The following ARB2A variants were observed in gnomAD, a reference collection of about 807,000 sequenced individuals.
ARB2A encodes the protein ARB2 cotranscriptional regulator A.
the ARB2A span, among the ~76,000 whole-genome samples, chr5:93,855,841 T>C: frequency 4.0e-5 from 6 of 151,252 alleles, no homozygotes; most frequent in African/African-American, 1.5e-4. Context: ...AGACCAAAAG[T>C]AGATAAAACC....
At chr5:93,629,017 G>A in the ARB2A span, among the ~76,000 whole-genome samples, 2 of 152,138 alleles carry the variant, frequency 1.3e-5, no homozygotes, top group Non-Finnish European at 2.9e-5. Context: ...CTTTTGACAC[G>A]CCTTCCTCAC....
At chr5:93,803,707 A>T in the ARB2A span, among the ~76,000 whole-genome samples, 4 of 66,706 alleles carry the variant, frequency 6.0e-5, no homozygotes, top group Non-Finnish European at 8.4e-5. Context: ...TCCTGAACTT[A>T]AAAGTTAAAA....
chr5:93,938,434 T>C, the ARB2A span, among the ~76,000 whole-genome samples: 1 of 152,208 alleles, frequency 6.6e-6, no homozygotes, highest in Non-Finnish European at 1.5e-5. Context: ...GTATTGACTA[T>C]CTCAAAATAC....
the ARB2A span, among the ~76,000 whole-genome samples, chr5:93,919,800 T>C: frequency 5.3e-5 from 8 of 152,264 alleles, no homozygotes; most frequent in South Asian, 1.0e-3. Flanking sequence ...TAAAAACTCA[T>C]GTCTCTTTCA....
the ARB2A span, among the ~76,000 whole-genome samples, chr5:93,874,094 T>C: frequency 6.6e-6 from 1 of 152,228 alleles, no homozygotes; most frequent in African/African-American, 2.4e-5. Flanking sequence ...TGTTTCCTTT[T>C]GTCTGATTCC....
At chr5:93,711,185 C>G in the ARB2A span, among the ~76,000 whole-genome samples, 1 of 150,468 alleles carries the variant, frequency 6.6e-6, no homozygotes, top group African/African-American at 2.4e-5. Flanking sequence ...TTTGATCCAA[C>G]TGGTTCTATT....
the ARB2A span, among the ~76,000 whole-genome samples, chr5:93,806,685 A>G: frequency 6.6e-6 from 1 of 151,974 alleles, no homozygotes; most frequent in African/African-American, 2.4e-5. Context: ...TCCAAAGTAA[A>G]CAAAAGAAAT....
the ARB2A span, among the ~76,000 whole-genome samples, chr5:93,690,067 G>C: frequency 6.6e-6 from 1 of 152,122 alleles, no homozygotes; most frequent in Non-Finnish European, 1.5e-5. Flanking sequence ...TGCAGACCAG[G>C]AGATTCCCTA....
the ARB2A span, among the ~76,000 whole-genome samples, chr5:93,745,241 C>T: frequency 6.6e-6 from 1 of 152,148 alleles, no homozygotes; most frequent in Non-Finnish European, 1.5e-5. Flanking sequence ...TTTGAGAAGT[C>T]TTGCCCTATA....
chr5:94,024,298 G>T, the ARB2A span, among the ~76,000 whole-genome samples: 1 of 152,116 alleles, frequency 6.6e-6, no homozygotes, highest in Non-Finnish European at 1.5e-5. Context: ...CCTCACCCAA[G>T]CAAGAGGGAA....
the ARB2A span, among the ~76,000 whole-genome samples, chr5:94,063,108 G>C: frequency 1.3e-5 from 2 of 152,122 alleles, no homozygotes; most frequent in Admixed American, 6.5e-5. Flanking sequence ...GAGGGGCCTA[G>C]AAATAACCCC....
At chr5:93,888,305 A>C in the ARB2A span, among the ~76,000 whole-genome samples, 1 of 151,864 alleles carries the variant, frequency 6.6e-6, no homozygotes, top group Non-Finnish European at 1.5e-5. Context: ...TCATTCTCAT[A>C]AAATGACACA....
the ARB2A span, among the ~76,000 whole-genome samples, chr5:93,798,539 G>C: frequency 1.2e-3 from 190 of 152,130 alleles, no homozygotes; most frequent in Middle Eastern, 6.8e-3. Context: ...GTAACATCAT[G>C]GTTTACTGAA....
At chr5:93,791,625 C>A in the ARB2A span, among the ~76,000 whole-genome samples, 9 of 152,234 alleles carry the variant, frequency 5.9e-5, no homozygotes, top group Admixed American at 5.9e-4. Context: ...ACAACATTCT[C>A]TTTTCCTGTG....
chr5:93,677,777 AG>A, the ARB2A span, among the ~76,000 whole-genome samples: 1 of 152,214 alleles, frequency 6.6e-6, no homozygotes, highest in Non-Finnish European at 1.5e-5. Flanking sequence ...CCTTATGCTT[AG>A]GGATAAGCAA....
At chr5:93,990,620 TAAAAAAA>T in the ARB2A span, among the ~76,000 whole-genome samples, 8 of 75,242 alleles carry the variant, frequency 1.1e-4, no homozygotes, top group Admixed American at 3.6e-4. Flanking sequence ...CTACCATGAG[TAAAAAAA>T]AAAAAAAAAA....
At chr5:93,770,485 G>C in the ARB2A span, among the ~76,000 whole-genome samples, 45 of 152,092 alleles carry the variant, frequency 3.0e-4, no homozygotes, top group Middle Eastern at 3.4e-3. Context: ...GGAAATAAAG[G>C]GTATTCAATT....
chr5:93,829,512 A>T, the ARB2A span, among the ~76,000 whole-genome samples: 1 of 152,096 alleles, frequency 6.6e-6, no homozygotes, highest in Admixed American at 6.6e-5. Flanking sequence ...CTATTATTGC[A>T]CTGAGGAGCT....
the ARB2A span, among the ~76,000 whole-genome samples, chr5:94,089,594 TACACACACACACACACACAC>T: frequency 1.5e-4 from 21 of 135,590 alleles, no homozygotes; most frequent in Admixed American, 8.3e-4. Flanking sequence ...AAACCGTTTA[TACACACACACACACACACAC>T]ACACACACAC....
Sources: allele counts gnomAD v4.1 joint callset (sites outside exome capture counted in the v4.1 genomes callset), GRCh38; gene constraint gnomAD v4.1.1; transcripts MANE v1.5; gene names NCBI Gene and HGNC (gene_info 2026-07-23, HGNC 2026-07-21).